The following KLHL4 variants were observed in gnomAD, a reference collection of about 807,000 sequenced individuals.
The protein encoded by KLHL4 is kelch-like protein 4.
Under a neutral mutation model 45.8 loss-of-function variants are expected in KLHL4, and 17 were observed. That is an observed-to-expected ratio of 0.37 (90% confidence interval 0.25 to 0.56). KLHL4 has a LOEUF of 0.56. Among genes scored for constraint, KLHL4 ranks in the 20% least tolerant of loss-of-function variants. KLHL4 has a pLI of 0.79. For missense variants in KLHL4, 544 were observed against 544.9 expected, an observed-to-expected ratio of 1.00 and a Z score of 0.02; for synonymous variants, 224 against 189.9, an observed-to-expected ratio of 1.18 and a Z score of -1.47.
chrX:87,624,995 G>A (rs917986974), intron 5 of KLHL4, among the ~76,000 whole-genome samples: 4 of 112,075 alleles, frequency 3.6e-5, no homozygotes, highest in South Asian at 3.7e-4. Flanking sequence ...CCCCAAATCC[G>A]CCAAAAAGAT....
rs186020997 is a variant in KLHL4 at position 87,596,291 on chromosome X, G to A, written c.423-17586G>A. ...AAGTGAGAATGGACTAATAGAACAT[G>A]CAATGTTTCCTTTCCATGTTCATAT... On this transcript the variant is annotated intron_variant, in intron 1 of 10. Coordinates refer to ENST00000373119, the MANE Select transcript of KLHL4 (RefSeq NM_019117.5). Among the ~76,000 whole-genome samples, 9 of 112,230 alleles carry A rather than the reference G, an allele frequency of 8.0e-5. No individual in the cohort carries two copies. The South Asian group carries it at 2.9e-3, about 36-fold the overall frequency.
At chrX:87,551,810 C>T (rs760864321) in intron 1 of KLHL4, among the ~76,000 whole-genome samples, 1 of 111,405 alleles carries the variant, frequency 9.0e-6, no homozygotes, top group African/African-American at 3.3e-5. Context: ...GGAAGGGACA[C>T]CCTTTTCAAC....
intron 1 of KLHL4, among the ~76,000 whole-genome samples, chrX:87,611,608 G>T (rs1396374825): frequency 1.8e-5 from 2 of 110,158 alleles, no homozygotes; most frequent in African/African-American, 6.6e-5. Flanking sequence ...ATTATGTACA[G>T]TACATAGTAC....
chrX:87,548,515 C>A (rs754345127), intron 1 of KLHL4, among the ~76,000 whole-genome samples: 18 of 111,369 alleles, frequency 1.6e-4, no homozygotes, highest in African/African-American at 5.2e-4. Flanking sequence ...AACTTTTATT[C>A]TAAGTAGAAA....
At chrX:87,527,758 T>G (rs780228206) in intron 1 of KLHL4, among the ~76,000 whole-genome samples, 25 of 106,376 alleles carry the variant, frequency 2.4e-4, no homozygotes, top group Non-Finnish European at 4.1e-4. Flanking sequence ...AGTGACACCC[T>G]AGGATTCATC....
At chrX:87,524,913 C>G (rs1161204592) in intron 1 of KLHL4, among the ~76,000 whole-genome samples, 1 of 111,564 alleles carries the variant, frequency 9.0e-6, no homozygotes, top group Non-Finnish European at 1.9e-5. Flanking sequence ...AATCAATTTC[C>G]TAAGTCAGCA....
At chrX:87,652,688 C>T (rs1326746512) in intron 9 of KLHL4, among the ~76,000 whole-genome samples, 1 of 111,946 alleles carries the variant, frequency 8.9e-6, no homozygotes, top group Non-Finnish European at 1.9e-5. Context: ...TTCAGCAAGT[C>T]TCAAGACTCT....
At chrX:87,580,078 A>G (rs1602426640) in intron 1 of KLHL4, among the ~76,000 whole-genome samples, 3 of 112,083 alleles carry the variant, frequency 2.7e-5, no homozygotes, top group South Asian at 7.4e-4. Context: ...TCAAAAACAT[A>G]AAGTGTGTAG....
chrX:87,644,520 A>G (rs112664767), intron 9 of KLHL4, among the ~76,000 whole-genome samples: 233 of 111,271 alleles, frequency 2.1e-3, no homozygotes, highest in African/African-American at 7.0e-3. Context: ...CCACCAAAAT[A>G]GCACCATTAT....
chrX:87,586,159 G>A (rs1387135636), intron 1 of KLHL4, among the ~76,000 whole-genome samples: 2 of 110,801 alleles, frequency 1.8e-5, no homozygotes, highest in Non-Finnish European at 3.8e-5. Flanking sequence ...AGAGAGATAG[G>A]ACCCAGTACA....
intron 1 of KLHL4, among the ~76,000 whole-genome samples, chrX:87,558,476 C>T (rs1348356303): frequency 1.8e-5 from 2 of 111,337 alleles, no homozygotes; most frequent in Non-Finnish European, 3.8e-5. Flanking sequence ...TGTATTATTA[C>T]GTGTATATTT....
intron 1 of KLHL4, among the ~76,000 whole-genome samples, chrX:87,590,345 G>T (rs1043046725): frequency 9.1e-6 from 1 of 110,477 alleles, no homozygotes; most frequent in Non-Finnish European, 1.9e-5. Context: ...AAAAATCAAA[G>T]AAACCCCTGA....
At position 87,668,027 on chromosome X, in the gene KLHL4, A is replaced by T. The variant is rs1374432220; in HGVS notation, c.*1493A>T. The T allele has an allele frequency of 1.4e-6, 1 of 726,838 alleles. No individual in the cohort carries two copies. The highest frequency in any genetic ancestry group is 1.5e-4 in the East Asian group (1 of 6,564). 59.9% of individuals were successfully genotyped at this position (726,838 alleles called of 1,213,427 possible). A position where few individuals can be genotyped will look rare whatever the true frequency, so the allele number is the denominator to read the frequency against. ...CACTAAAATACTTAAACACAAAAAT[A>T]AAATTCCACTCCTTTATTTCTTCTT... On this transcript the variant is annotated 3_prime_UTR_variant, in exon 11 of 11. Transcript: ENST00000373119.
At chrX:87,639,584 A>T (rs1923381127) in intron 9 of KLHL4, among the ~76,000 whole-genome samples, 1 of 111,566 alleles carries the variant, frequency 9.0e-6, no homozygotes, top group Non-Finnish European at 1.9e-5. Context: ...AAGTACATGG[A>T]ATTTAAATAA....
rs2147846585 is a variant in KLHL4, at chrX:87,667,570, T to G, written c.*1036T>G. ...TACTGTTATATTATCCAGTAGAAAATGTTAGGATATGTGTGCTATATAAAA... is the reference window on the plus strand; with the variant it reads ...TACTGTTATATTATCCAGTAGAAAAGGTTAGGATATGTGTGCTATATAAAA... On this transcript the variant is annotated 3_prime_UTR_variant, in exon 11 of 11. Transcript: ENST00000373119. 1.6e-6 allele frequency: 1 copy of G among 628,629 alleles called. No homozygotes were observed. The highest frequency in any genetic ancestry group is 1.7e-4 in the East Asian group (1 of 5,965). 51.8% of individuals were successfully genotyped at this position (628,629 alleles called of 1,213,427 possible).
intron 1 of KLHL4, among the ~76,000 whole-genome samples, chrX:87,558,651 CAGTT>C (rs1227406822): frequency 2.8e-5 from 3 of 107,281 alleles, no homozygotes; most frequent in Non-Finnish European, 3.8e-5. Flanking sequence ...TTTATTGACT[CAGTT>C]AGCTATTTCA....
chrX:87,534,527 GGC>G (rs1265014168), intron 1 of KLHL4, among the ~76,000 whole-genome samples: 1 of 111,191 alleles, frequency 9.0e-6, no homozygotes, highest in Non-Finnish European at 1.9e-5. Context: ...ATGTTGACCA[GGC>G]GGATGCTTAA....
At chrX:87,601,732 T>C (rs1184377273) in intron 1 of KLHL4, among the ~76,000 whole-genome samples, 1 of 111,659 alleles carries the variant, frequency 9.0e-6, no homozygotes, top group African/African-American at 3.3e-5. Context: ...CCTGGCCTCA[T>C]GTGCCTGGCT....
intron 5 of KLHL4, among the ~76,000 whole-genome samples, chrX:87,623,817 A>G (rs1922837891): frequency 9.0e-6 from 1 of 111,689 alleles, no homozygotes; most frequent in Non-Finnish European, 1.9e-5. Context: ...TTGACAGATG[A>G]TCTTTAGAAT....
Sources: gnomAD v4.1 joint callset for allele counts (sites outside exome capture counted in the v4.1 genomes callset) on GRCh38, gnomAD v4.1.1 for gene constraint, MANE v1.5 for transcripts, NCBI Gene and HGNC (gene_info 2026-07-23, HGNC 2026-07-21) for gene names.